Variants in MAN1A1 observed in about 807,000 individuals in gnomAD.
MAN1A1 encodes mannosidase alpha class 1A member 1.
In MAN1A1, 29 loss-of-function variants were observed where a neutral mutation model predicts 70.8. That is an observed-to-expected ratio of 0.41 (90% CI 0.31 to 0.56). MAN1A1 has a LOEUF of 0.56. MAN1A1 is among the 20% of genes least tolerant of loss of function. MAN1A1 has a pLI of 0.29. For synonymous variants in MAN1A1, 349 were observed against 330.1 expected, an observed-to-expected ratio of 1.06 and a Z score of -0.62; for missense variants, 747 against 841.3, an observed-to-expected ratio of 0.89 and a Z score of 1.39.
intron 2 of MAN1A1, among the ~76,000 whole-genome samples, chr6:119,343,682 G>A (rs1220428037): frequency 6.6e-6 from 1 of 152,080 alleles, no homozygotes; most frequent in Non-Finnish European, 1.5e-5. Flanking sequence ...TACCAAACAG[G>A]TATCTTGTTT....
At chr6:119,188,259 A>G (rs1773345426) in intron 11 of MAN1A1, 146 bp downstream of exon 11, 2 of 644,254 alleles carry the variant, frequency 3.1e-6, no homozygotes, top group African/African-American at 3.8e-5. Context: ...AAATGACTTC[A>G]ATGAAAATAC....
At position 119,177,378 on chromosome 6, in the gene MAN1A1, C is replaced by T. The variant is rs1773033782; in HGVS notation, c.*2441G>A. Reference sequence around the variant, plus strand: ...CAATCAATGTACACAATGTGTAGCTCATATGAAAACCTCATGACAAGTCAT... The same window carrying T: ...CAATCAATGTACACAATGTGTAGCTTATATGAAAACCTCATGACAAGTCAT... On this transcript the variant is annotated 3_prime_UTR_variant, in exon 13 of 13. Transcript: ENST00000368468. The T allele has an allele frequency of 6.6e-6, 1 of 152,006 alleles. No individual in the cohort carries two copies. The highest frequency in any genetic ancestry group is 1.9e-4 in the East Asian group (1 of 5,194). The allele number at this position is 152,006 out of a possible 1,614,324, so 9.4% of individuals were successfully genotyped here. A position where few individuals can be genotyped will look rare whatever the true frequency, so the allele number is the denominator to read the frequency against.
At chr6:119,236,292 T>C (rs1774842323) in intron 6 of MAN1A1, among the ~76,000 whole-genome samples, 1 of 152,178 alleles carries the variant, frequency 6.6e-6, no homozygotes, top group Non-Finnish European at 1.5e-5. Context: ...AAGAATCTTT[T>C]CAAAATATTA....
chr6:119,292,396 T>C (rs1033673062), intron 4 of MAN1A1, among the ~76,000 whole-genome samples: 3 of 151,996 alleles, frequency 2.0e-5, no homozygotes, highest in Admixed American at 6.6e-5. Flanking sequence ...AATCATGGGA[T>C]ATTATTTCCT....
intron 11 of MAN1A1, among the ~76,000 whole-genome samples, chr6:119,181,011 C>T (rs1044328794): frequency 2.6e-5 from 4 of 152,112 alleles, no homozygotes; most frequent in African/African-American, 9.7e-5. Flanking sequence ...TACCAATTCC[C>T]CCTATGGTCT....
intron 6 of MAN1A1, among the ~76,000 whole-genome samples, chr6:119,237,627 C>G (rs1182500049): frequency 6.6e-6 from 1 of 152,242 alleles, no homozygotes; most frequent in Non-Finnish European, 1.5e-5. Flanking sequence ...TTCAGGAAAT[C>G]TGGATGGGCA....
intron 11 of MAN1A1, among the ~76,000 whole-genome samples, chr6:119,181,692 ACTTT>A (rs1003466069): frequency 2.0e-5 from 3 of 151,974 alleles, no homozygotes; most frequent in African/African-American, 7.3e-5. Context: ...TTCAGAGCCC[ACTTT>A]CTTTCTTTTG....
chr6:119,180,734 A>C (rs1773130984), intron 11 of MAN1A1, among the ~76,000 whole-genome samples: 1 of 151,994 alleles, frequency 6.6e-6, no homozygotes. Context: ...TGGTTGTCTC[A>C]AACTCCTGGG....
At chr6:119,307,091 T>A (rs753733867) in intron 2 of MAN1A1, 99 bp from the exon 3 acceptor site, 1 of 761,796 alleles carries the variant, frequency 1.3e-6, no homozygotes, top group Non-Finnish European at 2.2e-6. Context: ...ACATTAAAAT[T>A]CATTAGTTAA....
chr6:119,299,077 A>T (rs1772313724), intron 4 of MAN1A1, among the ~76,000 whole-genome samples: 1 of 151,926 alleles, frequency 6.6e-6, no homozygotes, highest in Admixed American at 6.6e-5. Context: ...AATGAGAAAA[A>T]TTTCTCAATG....
chr6:119,342,117 G>A (rs1441636156), intron 2 of MAN1A1, among the ~76,000 whole-genome samples: 1 of 152,166 alleles, frequency 6.6e-6, no homozygotes, highest in Non-Finnish European at 1.5e-5. Context: ...TGTATATGCA[G>A]TAAGTATATC....
chr6:119,242,535 G>C (rs1387932991), intron 6 of MAN1A1, among the ~76,000 whole-genome samples: 2 of 151,978 alleles, frequency 1.3e-5, no homozygotes, highest in Non-Finnish European at 2.9e-5. Context: ...AAGGACATCA[G>C]AACCAAGTTA....
At chr6:119,282,042 G>A (rs1240578550) in intron 5 of MAN1A1, among the ~76,000 whole-genome samples, 2 of 152,132 alleles carry the variant, frequency 1.3e-5, no homozygotes, top group African/African-American at 4.8e-5. Flanking sequence ...ACTCCAGCCT[G>A]GGCGGCAGAG....
chr6:119,346,311 TTC>T (rs1773728145), intron 2 of MAN1A1, among the ~76,000 whole-genome samples: 1 of 152,186 alleles, frequency 6.6e-6, no homozygotes. Flanking sequence ...GCATCATAAT[TTC>T]TTTTTTTTTT....
chr6:119,328,721 C>T (rs1773223420), intron 2 of MAN1A1, among the ~76,000 whole-genome samples: 1 of 152,186 alleles, frequency 6.6e-6, no homozygotes, highest in Non-Finnish European at 1.5e-5. Context: ...TGTGTTTTAA[C>T]TGGTCACCAT....
chr6:119,323,862 A>G (rs1196887888), intron 2 of MAN1A1, among the ~76,000 whole-genome samples: 1 of 152,226 alleles, frequency 6.6e-6, no homozygotes, highest in Middle Eastern at 3.2e-3. Context: ...CAATATACCT[A>G]CGGGATGAGA....
At position 119,348,909 on chromosome 6, in the gene MAN1A1, T is replaced by C. The variant is rs1192231691; in HGVS notation, c.157A>G (p.Thr53Ala). ...VLLLVFSAFITLCFGAIFFLP... is the reference protein window; with the variant it reads ...VLLLVFSAFIALCFGAIFFLP... ...AAGAAGATCGCCCCGAAGCAGAGCG[T>C]GATGAAGGCGCTGAATACCAGCAGC... The change falls in exon 2 of 13, where the codon ACG (threonine) becomes GCG (alanine). Residue 53 changes from threonine to alanine, a missense_variant. This residue lies in a region of MAN1A1 where 328 missense variants were observed against 293.1 expected (regional missense o/e 1.12). Transcript: ENST00000368468. 6.5e-6 allele frequency: 10 copies of C among 1,534,772 alleles called. No individual in the cohort carries two copies. Among genetic ancestry groups the C allele is most frequent in the Non-Finnish European group, 8.8e-6 (10 of 1,141,516 alleles).
chr6:119,345,418 G>T (rs1045245809), intron 2 of MAN1A1, among the ~76,000 whole-genome samples: 1 of 151,938 alleles, frequency 6.6e-6, no homozygotes, highest in Admixed American at 6.6e-5. Context: ...AGAAATCCCA[G>T]GGTTAATTTA....
intron 6 of MAN1A1, among the ~76,000 whole-genome samples, chr6:119,213,124 C>A (rs933947648): frequency 6.6e-6 from 1 of 152,138 alleles, no homozygotes; most frequent in Non-Finnish European, 1.5e-5. Flanking sequence ...ATCTACCCAA[C>A]CAAAAGAAAC....
Sources: allele counts gnomAD v4.1 joint callset (sites outside exome capture counted in the v4.1 genomes callset), GRCh38; gene constraint gnomAD v4.1.1; regional missense constraint gnomAD v4.1.1; transcripts MANE v1.5; gene names NCBI Gene and HGNC (gene_info 2026-07-23, HGNC 2026-07-21).